CIAPIN1: variants seen among roughly 807,000 people sequenced by gnomAD.
CIAPIN1 encodes cytokine induced apoptosis inhibitor 1.
In CIAPIN1, 18 loss-of-function variants were observed where a neutral mutation model predicts 34.3. That is an observed-to-expected ratio of 0.52 (90% CI 0.36 to 0.78). The LOEUF is 0.78. CIAPIN1 is among the 30% of genes least tolerant of loss of function. The pLI is 0.00. For missense variants in CIAPIN1, 310 were observed against 372.5 expected, an observed-to-expected ratio of 0.83 and a Z score of 1.38; for synonymous variants, 131 against 140.4, an observed-to-expected ratio of 0.93 and a Z score of 0.47.
chr16:57,433,432 T>C (rs925590079), intron 5 of CIAPIN1, among the ~76,000 whole-genome samples: 1 of 152,222 alleles, frequency 6.6e-6, no homozygotes. Flanking sequence ...CAAGTGGGAA[T>C]GTACCAGTAA....
chr16:57,445,457 A>C (rs1212747309), intron 1 of CIAPIN1, among the ~76,000 whole-genome samples: 2 of 152,200 alleles, frequency 1.3e-5, no homozygotes, highest in Non-Finnish European at 2.9e-5. Context: ...GTAGTGGACC[A>C]AGATCTTGCC....
chr16:57,433,523 C>CTGTG (rs147834361), intron 5 of CIAPIN1: 7,196 of 156,052 alleles, frequency 0.046, 218 homozygotes, highest in Middle Eastern at 0.082. Context: ...GAGGATGGAG[C>CTGTG]TGTGTGTGTG....
intron 5 of CIAPIN1, 39 bp downstream of exon 5, chr16:57,434,005 G>C (rs754662549): frequency 1.9e-6 from 3 of 1,572,116 alleles, no homozygotes; most frequent in Non-Finnish European, 1.8e-6. Context: ...GTCCCTCTAA[G>C]CCCATTCAAA....
chr16:57,440,446 T>A (rs563052025), intron 2 of CIAPIN1, among the ~76,000 whole-genome samples: 1 of 152,256 alleles, frequency 6.6e-6, no homozygotes, highest in East Asian at 1.9e-4. Flanking sequence ...AATAAAAACT[T>A]GCTGGTTTTG....
At chr16:57,436,384 G>T (rs1240152413) in intron 4 of CIAPIN1, among the ~76,000 whole-genome samples, 9 of 152,012 alleles carry the variant, frequency 5.9e-5, no homozygotes, top group African/African-American at 1.9e-4. Flanking sequence ...TCTGCCACCA[G>T]GCCCGACTAA....
intron 6 of CIAPIN1, chr16:57,431,559 G>T: frequency 4.7e-6 from 1 of 213,634 alleles, no homozygotes. Context: ...ACATGTTGGG[G>T]GTTGGGGGCA....
intron 3 of CIAPIN1, among the ~76,000 whole-genome samples, chr16:57,437,197 T>C (rs894918172): frequency 4.6e-5 from 7 of 152,310 alleles, no homozygotes; most frequent in Non-Finnish European, 8.8e-5. Flanking sequence ...TTAATGATGG[T>C]TCTACCTATA....
intron 1 of CIAPIN1, among the ~76,000 whole-genome samples, chr16:57,446,275 G>A (rs2030063848): frequency 6.6e-6 from 1 of 152,186 alleles, no homozygotes; most frequent in African/African-American, 2.4e-5. Flanking sequence ...AAAGATGGAT[G>A]GATAGAACTC....
At position 57,439,181 on chromosome 16, in the gene CIAPIN1, C is replaced by T; in HGVS notation, c.310+1G>A. 1.2e-6 allele frequency: 2 copies of T among 1,613,294 alleles called. No individual in the cohort carries two copies. Among genetic ancestry groups the T allele is most frequent in the East Asian group, 2.2e-5 (1 of 44,868 alleles). Reference sequence around the variant, plus strand: ...TGTTTTCCAAGTGAAGATCTCCTTACCTACAGCTGTCTCTACTGGCTCCTT... The same window carrying T: ...TGTTTTCCAAGTGAAGATCTCCTTATCTACAGCTGTCTCTACTGGCTCCTT... On this transcript the variant is annotated splice_donor_variant, in intron 3 of 8. Transcript: ENST00000394391. LOFTEE classifies it high-confidence loss of function.
intron 8 of CIAPIN1, among the ~76,000 whole-genome samples, chr16:57,430,052 C>A (rs963428007): frequency 2.0e-5 from 3 of 152,208 alleles, no homozygotes; most frequent in Admixed American, 6.5e-5. Flanking sequence ...TAAAAAGCAA[C>A]AAGACCCTCC....
intron 7 of CIAPIN1, 180 bp from the exon 8 acceptor site, chr16:57,430,519 G>A: frequency 1.6e-6 from 1 of 613,796 alleles, no homozygotes. Context: ...GAAGTGGGAG[G>A]AGGATGAGGG....
intron 8 of CIAPIN1, among the ~76,000 whole-genome samples, 185 bp downstream of exon 8, chr16:57,430,073 C>T (rs1467540242): frequency 2.8e-4 from 42 of 152,228 alleles, no homozygotes; most frequent in Admixed American, 2.7e-3. Flanking sequence ...CTGACCAGCA[C>T]AAGCACGCTA....
At chr16:57,444,535 C>T (rs530883553) in intron 1 of CIAPIN1, among the ~76,000 whole-genome samples, 24 of 152,304 alleles carry the variant, frequency 1.6e-4, no homozygotes, top group South Asian at 6.2e-4. Flanking sequence ...GTAAGAGCTG[C>T]GCTTTATGAT....
At position 57,431,268 on chromosome 16, in the gene CIAPIN1, T is replaced by C; in HGVS notation, c.631-2A>G. Reference sequence around the variant, plus strand: ...CAGCTCATCTGAGTCAATGAGATCCTGGAGAGTGTTCAAAGCAATGAGTGA... The same window carrying C: ...CAGCTCATCTGAGTCAATGAGATCCCGGAGAGTGTTCAAAGCAATGAGTGA... On this transcript the variant is annotated splice_acceptor_variant, in intron 6 of 8. Transcript: ENST00000394391. LOFTEE classifies it high-confidence loss of function. 6.2e-7 allele frequency: 1 copy of C among 1,600,234 alleles called. No individual in the cohort carries two copies. The highest frequency in any genetic ancestry group is 8.6e-7 in the Non-Finnish European group (1 of 1,167,762).
intron 4 of CIAPIN1, among the ~76,000 whole-genome samples, 177 bp from the exon 5 acceptor site, chr16:57,434,389 T>C (rs1199789323): frequency 6.6e-6 from 1 of 152,232 alleles, no homozygotes; most frequent in Non-Finnish European, 1.5e-5. Flanking sequence ...CCCTAGAGTA[T>C]AACCTTTGTC....
In CIAPIN1 at chr16:57,440,420, C is replaced by T. The variant is rs529356261; in HGVS notation, c.157+352G>A. 4.3e-4 allele frequency among the ~76,000 whole-genome samples: 66 copies of T among 152,258 alleles called. 1 individual carries two copies. Among genetic ancestry groups the T allele is most frequent in the African/African-American group, 1.4e-3 (60 of 41,526 alleles). ...CCACACCCTATTCGTACACTCCCTC[C>T]CCTTTGAAAATCACTAATAAAAACT... On this transcript the variant is annotated intron_variant, in intron 2 of 8. Transcript: ENST00000394391.
intron 6 of CIAPIN1, among the ~76,000 whole-genome samples, 168 bp downstream of exon 6, chr16:57,432,319 A>T (rs1426309887): frequency 6.6e-6 from 1 of 152,208 alleles, no homozygotes; most frequent in Non-Finnish European, 1.5e-5. Flanking sequence ...TCCAAAAAAA[A>T]AGCCACCAAC....
At chr16:57,435,451 C>T (rs2146561949) in intron 4 of CIAPIN1, among the ~76,000 whole-genome samples, 1 of 152,182 alleles carries the variant, frequency 6.6e-6, no homozygotes, top group Non-Finnish European at 1.5e-5. Flanking sequence ...CACAGAAAAC[C>T]TTAAGCTAAA....
chr16:57,440,463 G>T (rs1044237815), intron 2 of CIAPIN1, among the ~76,000 whole-genome samples: 1 of 152,102 alleles, frequency 6.6e-6, no homozygotes, highest in African/African-American at 2.4e-5. Flanking sequence ...TTTGCGGCTT[G>T]AGGGGCATCA....
Sources: gnomAD v4.1 joint callset for allele counts (sites outside exome capture counted in the v4.1 genomes callset) on GRCh38, gnomAD v4.1.1 for gene constraint, MANE v1.5 for transcripts, NCBI Gene and HGNC (gene_info 2026-07-23, HGNC 2026-07-21) for gene names.